ANKRD30A: variants seen among roughly 807,000 people sequenced by gnomAD.
The protein encoded by ANKRD30A is ankyrin repeat domain 30A.
Under a neutral mutation model 166.3 loss-of-function variants are expected in ANKRD30A, and 170 were observed. That is an observed-to-expected ratio of 1.02 (90% confidence interval 0.90 to 1.16). The LOEUF is 1.16. ANKRD30A is among the 50% of genes most tolerant of loss of function. ANKRD30A has a pLI of 0.00. For missense variants in ANKRD30A, 1,630 were observed against 1,518.0 expected, an observed-to-expected ratio of 1.07 and a Z score of -1.23; for synonymous variants, 564 against 508.9, an observed-to-expected ratio of 1.11 and a Z score of -1.46.
At chr10:37,161,025 T>A (rs533007927) in intron 15 of ANKRD30A, among the ~76,000 whole-genome samples, 1 of 152,286 alleles carries the variant, frequency 6.6e-6, no homozygotes, top group East Asian at 1.9e-4. Context: ...AGGCCGTGAC[T>A]GGCAGATCAC....
chr10:37,130,152 A>C, intron 2 of ANKRD30A, 53 bp from the exon 3 acceptor site: 1 of 1,179,738 alleles, frequency 8.5e-7, no homozygotes, highest in African/African-American at 1.6e-5. Context: ...ATTTATAATA[A>C]TTTATATTAT....
chr10:37,204,131 A>C (rs1202915277), intron 31 of ANKRD30A, among the ~76,000 whole-genome samples: 2 of 152,210 alleles, frequency 1.3e-5, no homozygotes, highest in Non-Finnish European at 2.9e-5. Context: ...AGAATTGGAA[A>C]AACTACTTTA....
At chr10:37,211,032 G>A (rs1026191545) in intron 31 of ANKRD30A, among the ~76,000 whole-genome samples, 4 of 151,952 alleles carry the variant, frequency 2.6e-5, no homozygotes, top group African/African-American at 9.7e-5. Flanking sequence ...TAGTCATGAA[G>A]TCTTTCCCAT....
intron 24 of ANKRD30A, among the ~76,000 whole-genome samples, chr10:37,179,503 A>G (rs1458829570): frequency 6.6e-6 from 1 of 150,938 alleles, no homozygotes; most frequent in Admixed American, 6.6e-5. Flanking sequence ...ATGGGAATGA[A>G]TACCCATATT....
chr10:37,158,651 G>C (rs1588825759), intron 15 of ANKRD30A, 65 bp downstream of exon 15: 5 of 1,584,438 alleles, frequency 3.2e-6, no homozygotes, highest in Non-Finnish European at 4.3e-6. Flanking sequence ...AATGCTGTGA[G>C]ACTTTTCATT....
chr10:37,133,880 G>T, intron 4 of ANKRD30A, 36 bp from the exon 5 acceptor site: 4 of 1,609,034 alleles, frequency 2.5e-6, no homozygotes, highest in Non-Finnish European at 3.4e-6. Flanking sequence ...AATTGGTTCT[G>T]CTCATAATAA....
intron 11 of ANKRD30A, among the ~76,000 whole-genome samples, chr10:37,150,163 T>A (rs1837818088): frequency 6.6e-6 from 1 of 152,132 alleles, no homozygotes; most frequent in African/African-American, 2.4e-5. Flanking sequence ...CTTCTTTTAG[T>A]TCTTCGAAGC....
intron 27 of ANKRD30A, among the ~76,000 whole-genome samples, chr10:37,194,311 C>G (rs1840868844): frequency 1.3e-5 from 2 of 151,892 alleles, no homozygotes; most frequent in Non-Finnish European, 2.9e-5. Context: ...CTTCAATTTT[C>G]TTCCTTTTTT....
At chr10:37,127,046 CAAAAAAAAAAAAAAAAAAAAAA>C (rs71007622) in intron 1 of ANKRD30A, among the ~76,000 whole-genome samples, 284 of 16,504 alleles carry the variant, frequency 0.017, 5 homozygotes, top group East Asian at 0.13. Flanking sequence ...AACTCTGTCT[CAAAAAAAAAAAAAAAAAAAAAA>C]AAAAAAAAAA....
chr10:37,147,913 T>C (rs1837622632), intron 9 of ANKRD30A, among the ~76,000 whole-genome samples: 1 of 152,170 alleles, frequency 6.6e-6, no homozygotes, highest in African/African-American at 2.4e-5. Context: ...ATAGCTAAAG[T>C]TTTCTCACTT....
the ANKRD30A span, among the ~76,000 whole-genome samples, chr10:37,249,602 G>A: frequency 1.3e-5 from 2 of 152,126 alleles, no homozygotes; most frequent in Non-Finnish European, 2.9e-5. Context: ...AGAACAACTT[G>A]TAAACTTTTA....
chr10:37,220,942 G>A (rs1842869685), intron 34 of ANKRD30A, among the ~76,000 whole-genome samples: 1 of 151,120 alleles, frequency 6.6e-6, no homozygotes, highest in East Asian at 1.9e-4. Context: ...TTCAGCATGT[G>A]ATTGAATATG....
In ANKRD30A at chr10:37,197,447, T is replaced by G. The variant is rs1178252805; in HGVS notation, c.2683T>G (p.Leu895Val). 6.2e-7 allele frequency: 1 copy of G among 1,612,492 alleles called. No individual in the cohort carries two copies. Among genetic ancestry groups the G allele is most frequent in the Non-Finnish European group, 8.5e-7 (1 of 1,179,708 alleles). Residue 895 changes from leucine to valine, a missense_variant, in exon 29 of 36, where the codon TTG (leucine) becomes GTG (valine). Leu to Val is a conservative substitution (Grantham distance 32). Around this residue, in one of 4 missense-constraint regions of ANKRD30A, gnomAD observed 712 missense variants for 629.3 expected, o/e 1.13. Transcript: ENST00000361713. ...GCAAAAGTCTGTTCCAAATAAAGCC[T>G]TGGAATTGAAGAATGAACAAACATT... ...EMQKSVPNKA[L>V]ELKNEQTLRA...
Position 37,219,899 on chromosome 10 carries a change from TAAGTATC to T in ANKRD30A, c.4185+5_4185+11del, listed in dbSNP as rs758159678. ...GAAAAAGAGAAAGCAGAAACAGAAG[TAAGTATC>T]AAAAAATATAAATACTTGTCAAACT... is the stretch of plus-strand genomic sequence containing the variant. On this transcript the variant is annotated splice_donor_5th_base_variant and intron_variant, in intron 34 of 35. Transcript: ENST00000361713. The T allele has an allele frequency of 1.1e-4, 158 of 1,480,868 alleles. 1 individual carries two copies. The South Asian group carries it at 1.5e-3, about 14-fold the overall frequency. 91.7% of individuals were successfully genotyped at this position (1,480,868 alleles called of 1,614,324 possible).
chr10:37,255,123 T>C, the ANKRD30A span, among the ~76,000 whole-genome samples: 2 of 152,240 alleles, frequency 1.3e-5, no homozygotes, highest in Non-Finnish European at 2.9e-5. Context: ...TAAAGGTTTA[T>C]TGCTATTTTT....
At chr10:37,218,326 C>G (rs1183564015) in intron 33 of ANKRD30A, among the ~76,000 whole-genome samples, 1 of 150,712 alleles carries the variant, frequency 6.6e-6, no homozygotes, top group Non-Finnish European at 1.5e-5. Context: ...TACATATTTA[C>G]CCAGTAGAAT....
chr10:37,212,932 T>C (rs1307726195), intron 31 of ANKRD30A, among the ~76,000 whole-genome samples: 2 of 151,922 alleles, frequency 1.3e-5, no homozygotes, highest in Non-Finnish European at 2.9e-5. Flanking sequence ...TTCACATAAA[T>C]TTTATATTAT....
chr10:37,195,716 A>T (rs1355717127), intron 27 of ANKRD30A, among the ~76,000 whole-genome samples: 1 of 152,196 alleles, frequency 6.6e-6, no homozygotes, highest in African/African-American at 2.4e-5. Context: ...AACACAGTGA[A>T]ACCCTGTCTC....
Position 37,125,770 on chromosome 10 carries a change from T to A in ANKRD30A, c.-18T>A. 1 of 625,652 alleles carries A rather than the reference T, an allele frequency of 1.6e-6. No individual in the cohort carries two copies. The highest frequency in any genetic ancestry group is 2.9e-6 in the Non-Finnish European group (1 of 349,478). 38.8% of individuals were successfully genotyped at this position (625,652 alleles called of 1,614,324 possible). On this transcript the variant is annotated 5_prime_UTR_variant, in exon 1 of 36. Coordinates refer to ENST00000361713, the MANE Select transcript of ANKRD30A (RefSeq NM_052997.3). ...GCGATCGGGAGGCGCGGGCACTCTC[T>A]AGCAGGTGGCCGCAGCCATGGAGGA...
Sources: allele counts gnomAD v4.1 joint callset (sites outside exome capture counted in the v4.1 genomes callset), GRCh38; gene constraint gnomAD v4.1.1; regional missense constraint gnomAD v4.1.1; transcripts MANE v1.5; gene names NCBI Gene and HGNC (gene_info 2026-07-23, HGNC 2026-07-21).